CAPN7: variants seen among roughly 807,000 people sequenced by gnomAD.
CAPN7 encodes the protein calpain-7.
Under a neutral mutation model 115.2 loss-of-function variants are expected in CAPN7, and 72 were observed. The ratio of observed to expected loss-of-function variants is 0.63; its 90% CI spans 0.52 to 0.76. The LOEUF (loss-of-function observed/expected upper bound fraction) is 0.76. Ranked by LOEUF, CAPN7 falls within the 30% of genes least tolerant of loss-of-function variation. The pLI, the probability that CAPN7 is intolerant of heterozygous loss-of-function variation, is 0.00. For missense variants in CAPN7, 905 were observed against 971.5 expected (o/e 0.93, Z 0.91); for synonymous variants, 344 against 322.3 (o/e 1.07, Z -0.72).
intron 4 of CAPN7, among the ~76,000 whole-genome samples, chr3:15,219,628 A>G (rs764024674): frequency 8.5e-5 from 13 of 152,194 alleles, no homozygotes; most frequent in African/African-American, 1.2e-4. Context: ...ATGGGCTCCT[A>G]TGAGGATCTT....
intron 6 of CAPN7, among the ~76,000 whole-genome samples, chr3:15,225,004 C>A (rs1694229819): frequency 6.6e-6 from 1 of 152,140 alleles, no homozygotes; most frequent in Non-Finnish European, 1.5e-5. Context: ...TGGTCTCAAA[C>A]CTTGTGTAAC....
At chr3:15,223,675 G>A (rs1253619007) in intron 6 of CAPN7, 114 bp downstream of exon 6, 1 of 672,278 alleles carries the variant, frequency 1.5e-6, no homozygotes, top group Non-Finnish European at 2.5e-6. Context: ...TGTTGGAATA[G>A]AGGGGTGGCT....
In CAPN7 at chr3:15,241,539, A is replaced by C. The variant is rs1232985781; in HGVS notation, c.1739A>C (p.Gln580Pro). The change falls in exon 15 of 21, where the codon CAG becomes CCG. Residue 580 changes from glutamine (Q) to proline (P), a missense_variant. Physicochemically the swap from Gln to Pro is moderately conservative, Grantham distance 76 (BLOSUM62 -1). Coordinates refer to ENST00000253693, the MANE Select transcript of CAPN7 (RefSeq NM_014296.3). ...PQYKLEVQCP[Q>P]GGAAVWVLLS... ...TACAAACTGGAGGTGCAGTGTCCACAGGGGGGTGCTGCAGTTTGGGTTTTG... is the reference window on the plus strand; with the variant it reads ...TACAAACTGGAGGTGCAGTGTCCACCGGGGGGTGCTGCAGTTTGGGTTTTG... 6.2e-7 allele frequency: 1 copy of C among 1,613,964 alleles called. No individual in the cohort carries two copies. Among genetic ancestry groups the C allele is most frequent in the Non-Finnish European group, 8.5e-7 (1 of 1,179,960 alleles).
chr3:15,219,696 T>A (rs563232977), intron 4 of CAPN7, among the ~76,000 whole-genome samples: 1 of 152,226 alleles, frequency 6.6e-6, no homozygotes, highest in Non-Finnish European at 1.5e-5. Flanking sequence ...TTGCATATAA[T>A]TTCAGAGTTT....
intron 2 of CAPN7, among the ~76,000 whole-genome samples, chr3:15,213,903 G>A (rs1433944390): frequency 6.8e-6 from 1 of 147,526 alleles, no homozygotes; most frequent in Non-Finnish European, 1.5e-5. Flanking sequence ...TTTTTGAGGT[G>A]GAGTCTCGTT....
At chr3:15,232,498 G>A in intron 9 of CAPN7, 21 bp from the exon 10 acceptor site, 1 of 1,586,870 alleles carries the variant, frequency 6.3e-7, no homozygotes, top group East Asian at 2.3e-5. Flanking sequence ...ACCTAAGAAG[G>A]TTAATGTTCT....
At chr3:15,213,287 T>C (rs891696938) in intron 2 of CAPN7, among the ~76,000 whole-genome samples, 14 of 152,232 alleles carry the variant, frequency 9.2e-5, no homozygotes, top group Non-Finnish European at 1.6e-4. Context: ...TTCCATGATC[T>C]CCTTGTTTTT....
chr3:15,240,689 G>T (rs1254432881), intron 13 of CAPN7, 65 bp from the exon 14 acceptor site: 1 of 1,547,272 alleles, frequency 6.5e-7, no homozygotes, highest in Non-Finnish European at 8.8e-7. Context: ...GACAAAACAT[G>T]TGTAACTGAC....
chr3:15,223,222 C>T (rs1406329289), intron 5 of CAPN7, among the ~76,000 whole-genome samples: 2 of 152,142 alleles, frequency 1.3e-5, no homozygotes, highest in African/African-American at 4.8e-5. Flanking sequence ...ACTTTCATTA[C>T]CTCTTGAATA....
At position 15,212,091 on chromosome 3, in the gene CAPN7, C is replaced by A. The variant is rs758889233; in HGVS notation, c.103-13C>A. 61 of 1,553,678 alleles carry A rather than the reference C, an allele frequency of 3.9e-5. No homozygotes were observed. The highest frequency in any genetic ancestry group is 5.2e-5 in the Non-Finnish European group (59 of 1,140,798). ...TACATCTATTGGATTCCTTTGAATT[C>A]TTTCATTTTTAGGAAGCTGCACAAG... On this transcript the variant is annotated splice_polypyrimidine_tract_variant and intron_variant, in intron 1 of 20. Coordinates refer to ENST00000253693, the MANE Select transcript of CAPN7 (RefSeq NM_014296.3).
intron 4 of CAPN7, among the ~76,000 whole-genome samples, chr3:15,220,002 A>G (rs984845912): frequency 1.3e-5 from 2 of 152,100 alleles, no homozygotes; most frequent in Admixed American, 6.5e-5. Context: ...GGAGTTCGAG[A>G]CCAGCCTGGC....
intron 19 of CAPN7, among the ~76,000 whole-genome samples, chr3:15,250,047 G>A (rs556655686): frequency 1.3e-5 from 2 of 149,458 alleles, no homozygotes; most frequent in African/African-American, 4.9e-5. Context: ...ACAGGCGTGA[G>A]CCACCGCGCC....
chr3:15,231,446 C>G (rs1009940829), intron 9 of CAPN7, among the ~76,000 whole-genome samples: 1 of 151,984 alleles, frequency 6.6e-6, no homozygotes, highest in Non-Finnish European at 1.5e-5. Context: ...AATTCTTGAC[C>G]TCTTGTTTAA....
intron 10 of CAPN7, 108 bp from the exon 11 acceptor site, chr3:15,233,759 T>G (rs762953717): frequency 1.5e-5 from 10 of 679,092 alleles, no homozygotes; most frequent in Non-Finnish European, 2.6e-5. Flanking sequence ...CCTTCTGATT[T>G]ATTTCTACCA....
Position 15,223,535 on chromosome 3 carries a change from A to G in CAPN7, c.699A>G (p.Glu233=). The change falls in exon 6 of 21, where the codon GAA becomes GAG. Residue 233 remains glutamate, a synonymous_variant. Coordinates refer to ENST00000253693, the MANE Select transcript of CAPN7 (RefSeq NM_014296.3). ...YVPFMNVDLR[E]RFAYPMPFCD... is the part of the protein sequence containing the mutation. ...CTTTCATGAATGTTGACCTGAGAGAACGTTTTGCCTATCCAATGCCTTTCT... is the reference window on the plus strand; with the variant it reads ...CTTTCATGAATGTTGACCTGAGAGAGCGTTTTGCCTATCCAATGCCTTTCT... 6.2e-7 allele frequency: 1 copy of G among 1,605,482 alleles called. No individual in the cohort carries two copies. Among genetic ancestry groups the G allele is most frequent in the Non-Finnish European group, 8.5e-7 (1 of 1,175,920 alleles).
chr3:15,217,616 A>T, intron 3 of CAPN7, 34 bp downstream of exon 3: 2 of 1,519,572 alleles, frequency 1.3e-6, no homozygotes. Context: ...TTGATGAGTT[A>T]TGCCAAACCA....
At chr3:15,230,303 C>A in intron 8 of CAPN7, 139 bp from the exon 9 acceptor site, 2 of 498,120 alleles carry the variant, frequency 4.0e-6, no homozygotes, top group Non-Finnish European at 3.7e-6. Flanking sequence ...ATTTTCTAGG[C>A]CTATTGTAGG....
At chr3:15,222,150 C>T (rs1219521158) in intron 5 of CAPN7, among the ~76,000 whole-genome samples, 1 of 149,918 alleles carries the variant, frequency 6.7e-6, no homozygotes, top group Non-Finnish European at 1.5e-5. Context: ...TTACAGAAAA[C>T]ATTTGCCGAC....
rs1696019347 is a variant in CAPN7 at position 15,251,877 on chromosome 3, A to G, written c.*617A>G. 6.6e-6 allele frequency: 1 copy of G among 152,226 alleles called. No individual in the cohort carries two copies. The highest frequency in any genetic ancestry group is 2.4e-5 in the African/African-American group (1 of 41,474). 9.4% of individuals were successfully genotyped at this position (152,226 alleles called of 1,614,324 possible). ...CTTAGCATGAAGATGCTCATGCCTA[A>G]GAATGAAAATTGTTGAGGTTATCTC... On this transcript the variant is annotated 3_prime_UTR_variant, in exon 21 of 21. Transcript: ENST00000253693.
Sources: allele counts gnomAD v4.1 joint callset (sites outside exome capture counted in the v4.1 genomes callset), GRCh38; gene constraint gnomAD v4.1.1; transcripts MANE v1.5; gene names NCBI Gene and HGNC (gene_info 2026-07-23, HGNC 2026-07-21).